Variants in GPC5 observed in about 807,000 individuals in gnomAD.
GPC5 encodes the protein glypican-5.
A neutral mutation model predicts 53.9 loss-of-function variants in GPC5; 47 were observed. The observed-to-expected ratio is 0.87, with a 90% CI of 0.69 to 1.11. The LOEUF (loss-of-function observed/expected upper bound fraction) is 1.11, where lower values mean the gene tolerates loss of function less well. GPC5 is among the 50% of genes most tolerant of loss of function. The pLI, the probability that GPC5 is intolerant of heterozygous loss-of-function variation, is 0.00. For synonymous variants in GPC5, 286 were observed against 263.3 expected (o/e 1.09, Z -0.84); for missense variants, 748 against 713.1 (o/e 1.05, Z -0.56).
At chr13:91,607,222 G>T (rs1418214307) in intron 2 of GPC5, among the ~76,000 whole-genome samples, 1 of 152,074 alleles carries the variant, frequency 6.6e-6, no homozygotes, top group African/African-American at 2.4e-5. Flanking sequence ...AAAATCACCG[G>T]TGCACCTTGA....
At position 92,275,929 on chromosome 13, in the gene GPC5, A is replaced by T. The variant is rs112304604; in HGVS notation, c.1561+130940A>T. Among the ~76,000 whole-genome samples, 229 of 152,274 alleles carry T rather than the reference A, an allele frequency of 1.5e-3. 1 individual carries two copies. The highest frequency in any genetic ancestry group is 2.8e-3 in the Non-Finnish European group (193 of 68,010). ...GGGTAATAGCCCACCATATGCAAAG[A>T]TCACCTTCTGCATTTAGCTGCTTAT... On this transcript the variant is annotated intron_variant, in intron 7 of 7. Transcript: ENST00000377067.
chr13:92,255,974 G>C (rs1167920925), intron 7 of GPC5, among the ~76,000 whole-genome samples: 1 of 151,964 alleles, frequency 6.6e-6, no homozygotes, highest in East Asian at 1.9e-4. Context: ...AATTTAGAAT[G>C]AAAATAATTA....
intron 6 of GPC5, among the ~76,000 whole-genome samples, chr13:91,998,679 TG>T (rs1206003294): frequency 6.6e-6 from 1 of 152,164 alleles, no homozygotes; most frequent in African/African-American, 2.4e-5. Context: ...AAAATGAGTG[TG>T]GCTTAATTGG....
chr13:92,018,388 C>T (rs2040727490), intron 6 of GPC5, among the ~76,000 whole-genome samples: 1 of 151,656 alleles, frequency 6.6e-6, no homozygotes, highest in Non-Finnish European at 1.5e-5. Context: ...TTGGGGAGTT[C>T]GACTATATAA....
intron 7 of GPC5, among the ~76,000 whole-genome samples, chr13:92,460,454 G>A (rs1422256874): frequency 2.6e-5 from 4 of 151,924 alleles, no homozygotes; most frequent in African/African-American, 9.7e-5. Flanking sequence ...GCAAGGAAAA[G>A]TTATGTCCAA....
chr13:91,408,095 A>G lies in GPC5; in HGVS notation c.163+8886A>G, dbSNP rs891504539. ...ACATTCACTCTCTTAGCATTTTTCA[A>G]GAATACAATATATCATATTAACTGT... On this transcript the variant is annotated intron_variant, in intron 1 of 7. Coordinates refer to ENST00000377067, the MANE Select transcript of GPC5 (RefSeq NM_004466.6). 1.4e-3 allele frequency among the ~76,000 whole-genome samples: 217 copies of G among 152,062 alleles called. 3 individuals carry two copies. Among genetic ancestry groups the G allele is most frequent in the Admixed American group, 1.2e-3 (19 of 15,282 alleles).
intron 2 of GPC5, among the ~76,000 whole-genome samples, chr13:91,517,574 C>G (rs180798026): frequency 6.6e-6 from 1 of 152,268 alleles, no homozygotes; most frequent in East Asian, 1.9e-4. Context: ...TTCTTCTGAG[C>G]CCTCCAAAGT....
intron 7 of GPC5, among the ~76,000 whole-genome samples, chr13:92,537,458 A>G (rs1044561586): frequency 3.9e-5 from 6 of 152,186 alleles, no homozygotes; most frequent in Non-Finnish European, 8.8e-5. Context: ...CTCACAGACT[A>G]TAAATTCCAC....
At chr13:92,610,965 C>CAT (rs1235816218) in intron 7 of GPC5, among the ~76,000 whole-genome samples, 6 of 90,146 alleles carry the variant, frequency 6.7e-5, no homozygotes, top group East Asian at 8.0e-4. Context: ...AATCTCAATA[C>CAT]ATATTTTTTT....
intron 7 of GPC5, among the ~76,000 whole-genome samples, chr13:92,834,112 A>T (rs1878142821): frequency 6.6e-6 from 1 of 152,156 alleles, no homozygotes; most frequent in African/African-American, 2.4e-5. Context: ...CAGAAAACAA[A>T]TTTAGCGAGA....
intron 7 of GPC5, among the ~76,000 whole-genome samples, chr13:92,252,442 T>G (rs537439556): frequency 6.6e-6 from 1 of 152,204 alleles, no homozygotes; most frequent in Non-Finnish European, 1.5e-5. Flanking sequence ...TTTGCAGCAT[T>G]AATATGAAAC....
intron 6 of GPC5, among the ~76,000 whole-genome samples, chr13:91,914,674 G>GATATATAAGATATATCTTATT (rs1566339226): frequency 1.3e-5 from 2 of 148,810 alleles, no homozygotes; most frequent in South Asian, 4.2e-4. Context: ...TTAGGATACC[G>GATATATAAGATATATCTTATT]ATATAATAAA....
At chr13:92,106,634 G>GT (rs370083533) in intron 6 of GPC5, among the ~76,000 whole-genome samples, 17 of 152,032 alleles carry the variant, frequency 1.1e-4, no homozygotes, top group African/African-American at 4.1e-4. Context: ...AAGAATAAGA[G>GT]TTCACATAAA....
At chr13:91,436,486 G>A (rs1329655550) in intron 1 of GPC5, among the ~76,000 whole-genome samples, 13 of 152,188 alleles carry the variant, frequency 8.5e-5, no homozygotes, top group African/African-American at 3.1e-4. Context: ...TTTCCATGTA[G>A]TTGAGAGGTT....
intron 3 of GPC5, among the ~76,000 whole-genome samples, chr13:91,700,538 G>A (rs1198185504): frequency 1.3e-5 from 2 of 152,188 alleles, no homozygotes; most frequent in Non-Finnish European, 2.9e-5. Context: ...GACATCTCAA[G>A]TTGCTGGAAA....
intron 5 of GPC5, among the ~76,000 whole-genome samples, chr13:91,826,005 C>T (rs755830347): frequency 6.6e-6 from 1 of 152,002 alleles, no homozygotes; most frequent in Non-Finnish European, 1.5e-5. Flanking sequence ...ACCAGTGAGA[C>T]AGATCGTGAA....
chr13:91,532,353 T>C (rs1190600914), intron 2 of GPC5, among the ~76,000 whole-genome samples: 1 of 152,138 alleles, frequency 6.6e-6, no homozygotes, highest in Non-Finnish European at 1.5e-5. Context: ...AGGTCCCAAA[T>C]AAATGAACTA....
At chr13:92,848,117 ACT>A (rs1221674625) in intron 7 of GPC5, among the ~76,000 whole-genome samples, 1 of 152,100 alleles carries the variant, frequency 6.6e-6, no homozygotes, top group Non-Finnish European at 1.5e-5. Flanking sequence ...TTGCTTGTCA[ACT>A]CACTTTGCCT....
intron 7 of GPC5, among the ~76,000 whole-genome samples, chr13:92,482,159 C>T (rs574311526): frequency 6.6e-5 from 10 of 152,030 alleles, no homozygotes; most frequent in East Asian, 1.9e-4. Context: ...ATGTTGGGTG[C>T]GTAGCAGCTT....
Sources: gnomAD v4.1 joint callset for allele counts (sites outside exome capture counted in the v4.1 genomes callset) on GRCh38, gnomAD v4.1.1 for gene constraint, MANE v1.5 for transcripts, NCBI Gene and HGNC (gene_info 2026-07-23, HGNC 2026-07-21) for gene names.